MAP4K2: variants seen among roughly 807,000 people sequenced by gnomAD.
MAP4K2 encodes mitogen-activated protein kinase kinase kinase kinase 2.
MAP4K2 carries 85 observed loss-of-function variants against 125.3 expected under a neutral mutation model. The observed-to-expected ratio is 0.68, with a 90% CI of 0.57 to 0.81. The LOEUF is 0.81. Among genes scored for constraint, MAP4K2 ranks in the 40% least tolerant of loss-of-function variants. MAP4K2 has a pLI of 0.00. For missense variants in MAP4K2, 923 were observed against 1,056.4 expected (o/e 0.87, Z 1.75); for synonymous variants, 479 against 445.1 (o/e 1.08, Z -0.96).
At position 64,789,619 on chromosome 11, in the gene MAP4K2, A is replaced by T; in HGVS notation, c.2381T>A (p.Ile794Asn). The T allele has an allele frequency of 6.2e-7, 1 of 1,610,008 alleles. No homozygotes were observed. The highest frequency in any genetic ancestry group is 8.5e-7 in the Non-Finnish European group (1 of 1,178,244). ...IFRVLGAHRDIILESIPTDNP... is the reference protein window; with the variant it reads ...IFRVLGAHRDNILESIPTDNP... ...GTCAGTGGGAATGCTCTCCAGGATGATGTCTCTGGAGGAGAGAGGAGTAGG... is the reference window on the plus strand; with the variant it reads ...GTCAGTGGGAATGCTCTCCAGGATGTTGTCTCTGGAGGAGAGAGGAGTAGG... The change falls in exon 32 of 32, where the codon ATC (isoleucine) becomes AAC (asparagine). Residue 794 changes from isoleucine (I) to asparagine (N), a missense_variant. By Grantham distance (149) the Ile-to-Asn change is moderately radical. Transcript: ENST00000294066.
At chr11:64,791,460 C>T (rs1940470900) in intron 27 of MAP4K2, among the ~76,000 whole-genome samples, 1 of 152,224 alleles carries the variant, frequency 6.6e-6, no homozygotes, top group Non-Finnish European at 1.5e-5. Flanking sequence ...TGGCTCACAA[C>T]TGCCTCTGTC....
At chr11:64,797,940 T>C (rs373629438) in intron 15 of MAP4K2, among the ~76,000 whole-genome samples, 1 of 151,506 alleles carries the variant, frequency 6.6e-6, no homozygotes, top group South Asian at 2.1e-4. Flanking sequence ...CTCCTGCCCT[T>C]GTGATCCGCC....
chr11:64,793,239 G>A (rs147465484), intron 24 of MAP4K2, among the ~76,000 whole-genome samples: 3 of 151,868 alleles, frequency 2.0e-5, no homozygotes, highest in Non-Finnish European at 2.9e-5. Context: ...AAAGAAAAAA[G>A]GAATGAAGAA....
At chr11:64,794,549 G>A (rs562560570) in intron 24 of MAP4K2, among the ~76,000 whole-genome samples, 99 of 152,080 alleles carry the variant, frequency 6.5e-4, no homozygotes, top group Middle Eastern at 3.4e-3. Flanking sequence ...TACTAGGGAC[G>A]GGGTTTCGCC....
chr11:64,785,368 A>G lies in MAP4K2; in HGVS notation c.*4169T>C, dbSNP rs1190947670. On this transcript the variant is annotated 3_prime_UTR_variant, in exon 32 of 32. Transcript: ENST00000294066. ...CACATTTTTATATGCAGCTTATTGT[A>G]TGCCAATTATGCCTCAATAAAACTG... 1 of 152,196 alleles carries G rather than the reference A, an allele frequency of 6.6e-6. No individual in the cohort carries two copies. The highest frequency in any genetic ancestry group is 2.1e-4 in the South Asian group (1 of 4,828). The allele number at this position is 152,196 out of a possible 1,614,324, so 9.4% of individuals were successfully genotyped here.
rs2136032389 is a variant in MAP4K2 at position 64,788,653 on chromosome 11, GAT to G, written c.*882_*883del. 6.6e-6 allele frequency: 1 copy of G among 152,356 alleles called. No homozygotes were observed. Among genetic ancestry groups the G allele is most frequent in the Admixed American group, 6.5e-5 (1 of 15,306 alleles). The allele number at this position is 152,356 out of a possible 1,614,324, so 9.4% of individuals were successfully genotyped here. A position where few individuals can be genotyped will look rare whatever the true frequency, so the allele number is the denominator to read the frequency against. ...ACAGGCTAGCCTTCCCATCCAATCTGATGATCGTGCTGTCATCTGATGTTCCT... is the reference window on the plus strand; with the variant it reads ...ACAGGCTAGCCTTCCCATCCAATCTGGATCGTGCTGTCATCTGATGTTCCT... On this transcript the variant is annotated 3_prime_UTR_variant, in exon 32 of 32. Transcript: ENST00000294066.
rs1940832733 is a variant in MAP4K2, at chr11:64,796,796, T to C, written c.1492+13A>G. ...ATTCCTTGGGCTCCCGCTTCCTCCC[T>C]GCCCCCACCTACCCCGAGTAACAGG... is the stretch of plus-strand genomic sequence containing the variant. On this transcript the variant is annotated intron_variant, in intron 21 of 31. Coordinates refer to ENST00000294066, the MANE Select transcript of MAP4K2 (RefSeq NM_004579.5). 3 of 1,613,542 alleles carry C rather than the reference T, an allele frequency of 1.9e-6. No individual in the cohort carries two copies. The highest frequency in any genetic ancestry group is 2.5e-6 in the Non-Finnish European group (3 of 1,180,034).
rs752865200 is a variant in MAP4K2 at position 64,786,718 on chromosome 11, G to A, written c.*2819C>T. ...CGCTAACTCATTAATGCTGCTTCCA[G>A]GAACTTATCTTCTAGAAGTGCTTGA... On this transcript the variant is annotated 3_prime_UTR_variant, in exon 32 of 32. Coordinates refer to ENST00000294066, the MANE Select transcript of MAP4K2 (RefSeq NM_004579.5). 6 of 152,162 alleles carry A rather than the reference G, an allele frequency of 3.9e-5. No individual in the cohort carries two copies. Among genetic ancestry groups the A allele is most frequent in the Non-Finnish European group, 7.3e-5 (5 of 68,036 alleles). The allele number at this position is 152,162 out of a possible 1,614,324, so 9.4% of individuals were successfully genotyped here. A position where few individuals can be genotyped will look rare whatever the true frequency, so the allele number is the denominator to read the frequency against.
In MAP4K2 at chr11:64,800,093, A is replaced by G; in HGVS notation, c.915+16T>C. 6.4e-7 allele frequency: 1 copy of G among 1,573,982 alleles called. No homozygotes were observed. The highest frequency in any genetic ancestry group is 8.6e-7 in the Non-Finnish European group (1 of 1,157,776). On this transcript the variant is annotated intron_variant, in intron 12 of 31. Transcript: ENST00000294066. ...CAGACCAGCCCAAGACTCACTTTCCAGCCCCCCTCACCTACCTCCAGCTCA... is the reference window on the plus strand; with the variant it reads ...CAGACCAGCCCAAGACTCACTTTCCGGCCCCCCTCACCTACCTCCAGCTCA...
At position 64,796,733 on chromosome 11, in the gene MAP4K2, G is replaced by A. The variant is rs1461180663; in HGVS notation, c.1493-20C>T. 1.2e-6 allele frequency: 2 copies of A among 1,613,938 alleles called. No individual in the cohort carries two copies. Among genetic ancestry groups the A allele is most frequent in the Admixed American group, 3.3e-5 (2 of 60,026 alleles). On this transcript the variant is annotated intron_variant, in intron 21 of 31. Transcript: ENST00000294066. ...ACTGGTCTGCCAGTTTGGGCATGGG[G>A]TCAGAGGTCAGACATGGCCCCTGGC...
At position 64,792,369 on chromosome 11, in the gene MAP4K2, C is replaced by G. The variant is rs762499243; in HGVS notation, c.1805G>C (p.Arg602Pro). Reference protein sequence around the residue: ...IPDTKGCLQCRVVRNPYTGAT... With the variant: ...IPDTKGCLQCPVVRNPYTGAT... Reference sequence around the variant, plus strand: ...CCGCCCAGCCCATTTCTTACCCACACGACACTGCAAGCAGCCTTTGGTGTC... The same window carrying G: ...CCGCCCAGCCCATTTCTTACCCACAGGACACTGCAAGCAGCCTTTGGTGTC... Residue 602 changes from arginine to proline, a missense_variant, in exon 25 of 32, where the codon CGT becomes CCT. This residue lies in a region of MAP4K2 where 833 missense variants were observed against 911.4 expected (regional missense o/e 0.91). Transcript: ENST00000294066. 6.5e-7 allele frequency: 1 copy of G among 1,544,254 alleles called. No individual in the cohort carries two copies. Among genetic ancestry groups the G allele is most frequent in the Non-Finnish European group, 8.8e-7 (1 of 1,134,784 alleles).
Position 64,796,969 on chromosome 11 carries a change from G to A in MAP4K2, c.1407+13C>T, listed in dbSNP as rs780353151. On this transcript the variant is annotated intron_variant, in intron 20 of 31. Transcript: ENST00000294066. Reference sequence around the variant, plus strand: ...AGGGCTGTGGGACTGCAGGGCTTGGGGCAAACACTTACATGCACCTTGGGA... The same window carrying A: ...AGGGCTGTGGGACTGCAGGGCTTGGAGCAAACACTTACATGCACCTTGGGA... 14 of 1,613,706 alleles carry A rather than the reference G, an allele frequency of 8.7e-6. No individual in the cohort carries two copies. The highest frequency in any genetic ancestry group is 1.1e-5 in the Non-Finnish European group (13 of 1,179,892).
chr11:64,797,472 C>G, intron 17 of MAP4K2, 29 bp downstream of exon 17: 1 of 1,559,746 alleles, frequency 6.4e-7, no homozygotes, highest in Non-Finnish European at 8.7e-7. Flanking sequence ...TGGCCTGGAT[C>G]CCAGCTCCAG....
chr11:64,801,306 G>T, intron 7 of MAP4K2, 123 bp from the exon 8 acceptor site: 4 of 1,225,166 alleles, frequency 3.3e-6, no homozygotes, highest in South Asian at 2.7e-5. Context: ...CTTGGTCACA[G>T]CTGCCGCAGG....
chr11:64,792,331 G>GCCCCCCCGCCCCCCCCCCCCCC, intron 25 of MAP4K2, 33 bp downstream of exon 25: 1 of 1,535,444 alleles, frequency 6.5e-7, no homozygotes, highest in Non-Finnish European at 8.9e-7. Flanking sequence ...CCCCCACCAG[G>GCCCCCCCGCCCCCCCCCCCCCC]CCCCGCCCCA....
In MAP4K2 at chr11:64,801,023, G is replaced by T; in HGVS notation, c.539C>A (p.Pro180His). ...TTTGCGCTCCACAGCAGCCACCTCG[G>T]GAGCCATCCTAGAGGTGGGGTCACA... ...SFIGTPYWMAPEVAAVERKGG... is the reference protein window; with the variant it reads ...SFIGTPYWMAHEVAAVERKGG... Residue 180 changes from proline (P) to histidine (H), a missense_variant, in exon 9 of 32, where the codon CCC (proline) becomes CAC (histidine). This residue lies in a region of MAP4K2 where 833 missense variants were observed against 911.4 expected (regional missense o/e 0.91). Coordinates refer to ENST00000294066, the MANE Select transcript of MAP4K2 (RefSeq NM_004579.5). The T allele has an allele frequency of 6.2e-7, 1 of 1,613,900 alleles. No homozygotes were observed. Among genetic ancestry groups the T allele is most frequent in the South Asian group, 1.1e-5 (1 of 91,086 alleles).
At chr11:64,795,810 C>T (rs1940762052) in intron 24 of MAP4K2, among the ~76,000 whole-genome samples, 1 of 151,978 alleles carries the variant, frequency 6.6e-6, no homozygotes, top group Non-Finnish European at 1.5e-5. Flanking sequence ...GGATTACAGG[C>T]ATGAACCACC....
At position 64,802,616 on chromosome 11, in the gene MAP4K2, G is replaced by A. The variant is rs764529306; in HGVS notation, c.192C>T (p.Ile64=). The A allele has an allele frequency of 2.5e-6, 4 of 1,612,400 alleles. No individual in the cohort carries two copies. The South Asian group carries it at 4.4e-5, about 18-fold the overall frequency. ...CATTGGGGTGGCGGCACTCACGCAGGATGGTGATTTCCTGCTGGAGGGAGC... is the reference window on the plus strand; with the variant it reads ...CATTGGGGTGGCGGCACTCACGCAGAATGGTGATTTCCTGCTGGAGGGAGC... ...DISSLQQEIT[I]LRECRHPNVV... Residue 64 remains isoleucine, a synonymous_variant, in exon 3 of 32, where the codon ATC becomes ATT. Transcript: ENST00000294066.
chr11:64,792,205 C>T lies in MAP4K2; in HGVS notation c.1881G>A (p.Trp627Ter). ...ALPTSLLLLQ[W>*]YEPLQKFLLL... ...GCAGAAACTTCTGCAGCGGCTCATA[C>T]CACTGCAGCAGGAGCAGGCTGGTGG... Residue 627 changes from tryptophan (W) to a stop codon, truncating the protein, a stop_gained, in exon 26 of 32, where the codon TGG (tryptophan) becomes TGA (stop). Transcript: ENST00000294066. LOFTEE classifies it high-confidence loss of function. 6.2e-7 allele frequency: 1 copy of T among 1,612,334 alleles called. No homozygotes were observed. Among genetic ancestry groups the T allele is most frequent in the Non-Finnish European group, 8.5e-7 (1 of 1,179,688 alleles).
Sources: gnomAD v4.1 joint callset for allele counts (sites outside exome capture counted in the v4.1 genomes callset) on GRCh38, gnomAD v4.1.1 for gene constraint, gnomAD v4.1.1 regional missense constraint, MANE v1.5 for transcripts, NCBI Gene and HGNC (gene_info 2026-07-23, HGNC 2026-07-21) for gene names.